DNAAF4: variants seen among roughly 807,000 people sequenced by gnomAD.
The protein encoded by DNAAF4 is dynein assembly factor 4, axonemal.
A neutral mutation model predicts 51.8 loss-of-function variants in DNAAF4; 43 were observed. That is an observed-to-expected ratio of 0.83 (90% CI 0.65 to 1.07). The LOEUF (loss-of-function observed/expected upper bound fraction) is 1.07, where lower values mean the gene tolerates loss of function less well. Among genes scored for constraint, DNAAF4 ranks in the 50% least tolerant of loss-of-function variants. The pLI is 0.00. For missense variants in DNAAF4, 581 were observed against 493.0 expected (o/e 1.18, Z -1.69); for synonymous variants, 194 against 165.6 (o/e 1.17, Z -1.32).
chr15:55,453,774 T>A (rs2057974481), intron 5 of DNAAF4, among the ~76,000 whole-genome samples: 1 of 151,238 alleles, frequency 6.6e-6, no homozygotes. Flanking sequence ...ATGGTCTCCA[T>A]CTCCTGACCT....
intron 5 of DNAAF4, among the ~76,000 whole-genome samples, chr15:55,453,811 A>G (rs1038670901): frequency 3.3e-5 from 5 of 152,092 alleles, no homozygotes; most frequent in East Asian, 1.9e-4. Flanking sequence ...CGGCCCCCCA[A>G]AGTGCTGGGA....
intron 4 of DNAAF4, among the ~76,000 whole-genome samples, chr15:55,487,033 T>C (rs1190561032): frequency 6.6e-6 from 1 of 152,210 alleles, no homozygotes; most frequent in African/African-American, 2.4e-5. Context: ...TTTACACTTT[T>C]GTGGAAAATC....
intron 4 of DNAAF4, among the ~76,000 whole-genome samples, chr15:55,467,931 T>C (rs924274852): frequency 1.3e-5 from 2 of 152,178 alleles, no homozygotes; most frequent in Non-Finnish European, 1.5e-5. Context: ...GTGTACATGA[T>C]TGACTCCATG....
chr15:55,448,687 G>A (rs140769032), intron 6 of DNAAF4, among the ~76,000 whole-genome samples: 11,100 of 151,498 alleles, frequency 0.073, 484 homozygotes, highest in South Asian at 0.098. Context: ...GGCTAATATG[G>A]TGAAACCCCA....
intron 4 of DNAAF4, among the ~76,000 whole-genome samples, chr15:55,490,626 A>G (rs938873014): frequency 6.6e-6 from 1 of 152,196 alleles, no homozygotes; most frequent in African/African-American, 2.4e-5. Flanking sequence ...ACAACTGTCC[A>G]ACTTTTACAC....
At chr15:55,418,149 G>C in intron 7 of DNAAF4, 2 of 1,569,974 alleles carry the variant, frequency 1.3e-6, no homozygotes, top group Non-Finnish European at 1.7e-6. Context: ...AAAGGGAAGT[G>C]GGTGGGACTG....
intron 7 of DNAAF4, among the ~76,000 whole-genome samples, chr15:55,425,257 T>C (rs1269614682): frequency 6.6e-6 from 1 of 152,232 alleles, no homozygotes; most frequent in African/African-American, 2.4e-5. Flanking sequence ...TCACCCTTGA[T>C]ATTTGACCAG....
At chr15:55,426,842 A>G (rs2057434890), downstream of DNAAF4, among the ~76,000 whole-genome samples, 1 of 152,208 alleles carries the variant, frequency 6.6e-6, no homozygotes, top group African/African-American at 2.4e-5. Context: ...TCTTGCAAGG[A>G]AAGTGATCTG....
At chr15:55,421,902 A>T (rs1449985577) in intron 7 of DNAAF4, among the ~76,000 whole-genome samples, 1 of 8,912 alleles carries the variant, frequency 1.1e-4, no homozygotes, top group African/African-American at 9.3e-4. Context: ...AAAAATGTAT[A>T]ATAATAATAA....
chr15:55,478,081 T>C (rs2058360453), intron 4 of DNAAF4, among the ~76,000 whole-genome samples: 1 of 152,138 alleles, frequency 6.6e-6, no homozygotes. Context: ...TCACTGCCCC[T>C]GTCCAGGAAC....
chr15:55,442,676 T>A, intron 6 of DNAAF4: 2 of 1,496,810 alleles, frequency 1.3e-6, no homozygotes, highest in Non-Finnish European at 1.9e-6. Context: ...AGTAAGCTTG[T>A]CGCCTCTGAA....
At chr15:55,473,211 A>ATATATGTGTGTG (rs2058283818) in intron 4 of DNAAF4, among the ~76,000 whole-genome samples, 1 of 125,960 alleles carries the variant, frequency 7.9e-6, no homozygotes, top group African/African-American at 2.9e-5. Context: ...ATATATATAT[A>ATATATGTGTGTG]TATATATATA....
At chr15:55,473,335 GTGTATATATA>G (rs2058292636) in intron 4 of DNAAF4, among the ~76,000 whole-genome samples, 3 of 122,794 alleles carry the variant, frequency 2.4e-5, no homozygotes, top group South Asian at 2.5e-4. Flanking sequence ...ATATATATGT[GTGTATATATA>G]TGTGTGTATA....
chr15:55,439,916 C>G (rs1013523530), intron 6 of DNAAF4, among the ~76,000 whole-genome samples: 1 of 152,110 alleles, frequency 6.6e-6, no homozygotes, highest in Non-Finnish European at 1.5e-5. Flanking sequence ...ATGATGAGCA[C>G]CCCTACCAAG....
At chr15:55,422,777 G>A (rs1237229662) in intron 7 of DNAAF4, among the ~76,000 whole-genome samples, 2 of 152,050 alleles carry the variant, frequency 1.3e-5, no homozygotes, top group African/African-American at 4.8e-5. Context: ...TGGGCAGATC[G>A]CCTGAGGTCA....
chr15:55,435,001 T>A lies in DNAAF4; in HGVS notation c.951A>T (p.Ile317=), dbSNP rs1416987714. The change falls in exon 8 of 10, where the codon ATA becomes ATT. Residue 317 remains isoleucine (I), a synonymous_variant. Transcript: ENST00000321149. The part of the protein sequence containing the change: ...LAAINAYNLA[I]RLNNKMPLLY... ...ATAGTGGCATCTTATTATTTAGTCT[T>A]ATGGCTAAATTATATGCATTGATAG... is the stretch of plus-strand genomic sequence containing the variant. 6.2e-7 allele frequency: 1 copy of A among 1,612,772 alleles called. No individual in the cohort carries two copies. Among genetic ancestry groups the A allele is most frequent in the East Asian group, 2.2e-5 (1 of 44,836 alleles).
intron 4 of DNAAF4, among the ~76,000 whole-genome samples, chr15:55,479,383 A>G (rs1352004547): frequency 6.6e-6 from 1 of 151,940 alleles, no homozygotes; most frequent in Admixed American, 6.6e-5. Context: ...GCCTGTCTTT[A>G]CTTTAATCTC....
downstream of DNAAF4, among the ~76,000 whole-genome samples, chr15:55,428,080 G>A (rs1468768662): frequency 1.3e-5 from 2 of 151,964 alleles, no homozygotes; most frequent in Non-Finnish European, 2.9e-5. Context: ...AGCCTCCCAA[G>A]TAGCTAGGGA....
intron 4 of DNAAF4, among the ~76,000 whole-genome samples, chr15:55,470,017 C>T (rs2141517546): frequency 6.6e-6 from 1 of 151,942 alleles, no homozygotes; most frequent in South Asian, 2.1e-4. Flanking sequence ...TTCAATGGCT[C>T]ACAGGAATCA....
Sources: allele counts gnomAD v4.1 joint callset (sites outside exome capture counted in the v4.1 genomes callset), GRCh38; gene constraint gnomAD v4.1.1; transcripts MANE v1.5; gene names NCBI Gene and HGNC (gene_info 2026-07-23, HGNC 2026-07-21).